Variants in PAN3 observed in about 807,000 individuals in gnomAD.
PAN3 encodes PAN2-PAN3 deadenylation complex subunit PAN3.
PAN3 carries 19 observed loss-of-function variants against 96.2 expected under a neutral mutation model. The observed-to-expected ratio is 0.20, with a 90% CI of 0.14 to 0.29. The LOEUF (loss-of-function observed/expected upper bound fraction) is 0.29. Ranked by LOEUF, PAN3 falls within the 10% of genes least tolerant of loss-of-function variation. The pLI, the probability that PAN3 is intolerant of heterozygous loss-of-function variation, is 1.00. For missense variants in PAN3, 882 were observed against 1,108.1 expected (o/e 0.80, Z 2.90); for synonymous variants, 433 against 406.6 (o/e 1.06, Z -0.78).
intron 17 of PAN3, among the ~76,000 whole-genome samples, chr13:28,287,053 C>T (rs934660710): frequency 2.6e-5 from 4 of 152,064 alleles, no homozygotes; most frequent in Non-Finnish European, 4.4e-5. Flanking sequence ...TGTATTCTGT[C>T]GTCTTTTCTT....
chr13:28,143,995 A>G (rs1870215217), intron 1 of PAN3, among the ~76,000 whole-genome samples: 1 of 152,078 alleles, frequency 6.6e-6, no homozygotes, highest in Non-Finnish European at 1.5e-5. Context: ...AAGTTTAAAC[A>G]TTTTTATTGG....
chr13:28,192,175 T>G (rs1877369989), intron 4 of PAN3, among the ~76,000 whole-genome samples: 1 of 151,770 alleles, frequency 6.6e-6, no homozygotes, highest in Admixed American at 6.6e-5. Flanking sequence ...GTTCAAGAGA[T>G]TCTCCTGCCT....
At chr13:28,194,148 A>C (rs1463353956) in intron 4 of PAN3, among the ~76,000 whole-genome samples, 1 of 146,998 alleles carries the variant, frequency 6.8e-6, no homozygotes, top group Non-Finnish European at 1.5e-5. Context: ...TGGAGTCTCA[A>C]AAAAAAAAAT....
At chr13:28,200,236 A>G (rs2138250356) in intron 5 of PAN3, among the ~76,000 whole-genome samples, 1 of 152,308 alleles carries the variant, frequency 6.6e-6, no homozygotes, top group South Asian at 2.1e-4. Flanking sequence ...CCATAGTTGT[A>G]TAGACACGGG....
intron 14 of PAN3, 78 bp from the exon 15 acceptor site, chr13:28,277,159 T>C: frequency 7.3e-7 from 1 of 1,370,548 alleles, no homozygotes; most frequent in Non-Finnish European, 1.0e-6. Context: ...GCTTTTTCCA[T>C]TTAGGCAGTA....
rs747423486 is a variant in PAN3, at chr13:28,267,163, A to G, written c.1642A>G (p.Ile548Val). 6 of 1,613,178 alleles carry G rather than the reference A, an allele frequency of 3.7e-6. No homozygotes were observed. Among genetic ancestry groups the G allele is most frequent in the Non-Finnish European group, 3.4e-6 (4 of 1,179,238 alleles). The change falls in exon 11 of 19, where the codon ATC (isoleucine) becomes GTC (valine). Residue 548 changes from isoleucine (I) to valine (V), a missense_variant. Physicochemically the swap from Ile to Val is conservative, Grantham distance 29 (BLOSUM62 3). This residue lies in a region of PAN3 where 364 missense variants were observed against 513.6 expected (regional missense o/e 0.71). Transcript: ENST00000380958. ...DMWKKIQHSN[I>V]VTLREVFTTK... ...GTGGAAGAAAATTCAACACTCAAAT[A>G]TCGTAACTTTGCGTGAAGTATTTAC... is the stretch of plus-strand genomic sequence containing the variant.
chr13:28,169,010 C>G (rs562391608), intron 1 of PAN3, among the ~76,000 whole-genome samples: 78 of 149,300 alleles, frequency 5.2e-4, no homozygotes, highest in African/African-American at 1.9e-3. Context: ...AGCGAGACTC[C>G]GTCTCAAAAA....
At chr13:28,244,911 C>T (rs1423682430) in intron 6 of PAN3, among the ~76,000 whole-genome samples, 3 of 151,922 alleles carry the variant, frequency 2.0e-5, no homozygotes, top group African/African-American at 4.8e-5. Context: ...TGCAGTGGCG[C>T]GATCTTGGCT....
At chr13:28,154,312 A>C (rs898106671) in intron 1 of PAN3, among the ~76,000 whole-genome samples, 4 of 152,136 alleles carry the variant, frequency 2.6e-5, no homozygotes, top group Admixed American at 2.6e-4. Context: ...CACTCCAGTG[A>C]AACAGTGGGA....
intron 14 of PAN3, 28 bp downstream of exon 14, chr13:28,272,099 C>T (rs771473594): frequency 1.4e-6 from 2 of 1,408,494 alleles, no homozygotes; most frequent in South Asian, 2.6e-5. Context: ...TGGATATTTA[C>T]TTGTTTTCCT....
At position 28,220,272 on chromosome 13, in the gene PAN3, A is replaced by T; in HGVS notation, c.894A>T (p.Gly298=). The part of the protein sequence containing the change: ...PTASEFIPKG[G]STSRLSNVSQ... ...CAAGCGAGTTTATTCCTAAAGGAGG[A>T]TCAACCTCCAGGCTGAGTAACGTGT... Residue 298 remains glycine (G), a synonymous_variant, in exon 6 of 19, where the codon GGA becomes GGT. Coordinates refer to ENST00000380958, the MANE Select transcript of PAN3 (RefSeq NM_175854.8). 1 of 1,613,588 alleles carries T rather than the reference A, an allele frequency of 6.2e-7. No individual in the cohort carries two copies. The highest frequency in any genetic ancestry group is 8.5e-7 in the Non-Finnish European group (1 of 1,179,678).
chr13:28,289,738 C>A (rs960788710), intron 18 of PAN3, among the ~76,000 whole-genome samples: 5 of 152,066 alleles, frequency 3.3e-5, no homozygotes, highest in Non-Finnish European at 7.4e-5. Flanking sequence ...AAAAGTTAGC[C>A]GGGCATGGTG....
chr13:28,237,495 A>T (rs535911995), intron 6 of PAN3, among the ~76,000 whole-genome samples: 2 of 152,312 alleles, frequency 1.3e-5, no homozygotes, highest in Admixed American at 1.3e-4. Flanking sequence ...TAGTTTTCAT[A>T]CATTTTTAAA....
chr13:28,266,936 C>T (rs1392966166), intron 10 of PAN3, 60 bp downstream of exon 10: 2 of 1,365,624 alleles, frequency 1.5e-6, no homozygotes, highest in Non-Finnish European at 2.0e-6. Context: ...ATTATTCAAA[C>T]CTTCTTGAAT....
chr13:28,261,431 G>T lies in PAN3; in HGVS notation c.1384G>T (p.Ala462Ser), dbSNP rs758233408. 1 of 1,610,226 alleles carries T rather than the reference G, an allele frequency of 6.2e-7. No homozygotes were observed. Among genetic ancestry groups the T allele is most frequent in the Non-Finnish European group, 8.5e-7 (1 of 1,177,968 alleles). The part of the protein sequence containing the change: ...ELINRHLITM[A>S]QIDQADMPAV... ...GATCAACAGACATTTAATAACAATGGCTCAAATTGATCAAGCAGATATGCC... is the reference window on the plus strand; with the variant it reads ...GATCAACAGACATTTAATAACAATGTCTCAAATTGATCAAGCAGATATGCC... The change falls in exon 9 of 19, where the codon GCT becomes TCT. Residue 462 changes from alanine to serine, a missense_variant. By Grantham distance (99) the Ala-to-Ser change is moderately conservative. Coordinates refer to ENST00000380958, the MANE Select transcript of PAN3 (RefSeq NM_175854.8).
intron 14 of PAN3, among the ~76,000 whole-genome samples, 165 bp from the exon 15 acceptor site, chr13:28,277,072 G>A (rs1016028655): frequency 1.8e-4 from 28 of 152,068 alleles, no homozygotes; most frequent in African/African-American, 6.3e-4. Context: ...GCTCGAAGTC[G>A]TCTTTTTAAT....
chr13:28,181,504 CAAA>C (rs894039087), intron 4 of PAN3, among the ~76,000 whole-genome samples: 6 of 57,256 alleles, frequency 1.0e-4, no homozygotes, highest in Admixed American at 1.8e-4. Flanking sequence ...AACCCTGTCT[CAAA>C]AAAAAAAAAA....
intron 14 of PAN3, among the ~76,000 whole-genome samples, chr13:28,274,004 A>C (rs1886850510): frequency 6.6e-6 from 1 of 152,198 alleles, no homozygotes; most frequent in Non-Finnish European, 1.5e-5. Context: ...AACCACAGAG[A>C]ATACAGTCCC....
chr13:28,293,235 A>G lies in PAN3; in HGVS notation c.*713A>G, dbSNP rs1869967239. 3 of 152,178 alleles carry G rather than the reference A, an allele frequency of 2.0e-5. No individual in the cohort carries two copies. The highest frequency in any genetic ancestry group is 6.5e-5 in the Admixed American group (1 of 15,284). The allele number at this position is 152,178 out of a possible 1,614,324, so 9.4% of individuals were successfully genotyped here. A position where few individuals can be genotyped will look rare whatever the true frequency, so the allele number is the denominator to read the frequency against. ...AGGAGCATGTATAGCTCTTTCCTTCAAATTCAACTAGAGCCTTTTTAAAAA... is the reference window on the plus strand; with the variant it reads ...AGGAGCATGTATAGCTCTTTCCTTCGAATTCAACTAGAGCCTTTTTAAAAA... On this transcript the variant is annotated 3_prime_UTR_variant, in exon 19 of 19. Coordinates refer to ENST00000380958, the MANE Select transcript of PAN3 (RefSeq NM_175854.8).
Sources: allele counts gnomAD v4.1 joint callset (sites outside exome capture counted in the v4.1 genomes callset), GRCh38; gene constraint gnomAD v4.1.1; regional missense constraint gnomAD v4.1.1; transcripts MANE v1.5; gene names NCBI Gene and HGNC (gene_info 2026-07-23, HGNC 2026-07-21).